PTPRD: variants seen among roughly 807,000 people sequenced by gnomAD.
PTPRD encodes the protein protein tyrosine phosphatase receptor type D.
Under a neutral mutation model 214.5 loss-of-function variants are expected in PTPRD, and 34 were observed. That is an observed-to-expected ratio of 0.16 (90% CI 0.12 to 0.21). The LOEUF is 0.21. Among genes scored for constraint, PTPRD ranks in the 10% least tolerant of loss-of-function variants. The pLI is 1.00. For missense variants in PTPRD, 2,545 were observed against 2,398.7 expected (o/e 1.06, Z -1.27); for synonymous variants, 1,128 against 845.7 (o/e 1.33, Z -5.79).
At chr9:9,172,514 C>T (rs965704102) in intron 10 of PTPRD, among the ~76,000 whole-genome samples, 26 of 152,224 alleles carry the variant, frequency 1.7e-4, no homozygotes, top group Admixed American at 1.2e-3. Context: ...AGCATTATCT[C>T]GGGCTCTGTG....
chr9:9,658,676 A>G (rs562243003), intron 7 of PTPRD, among the ~76,000 whole-genome samples: 1 of 152,138 alleles, frequency 6.6e-6, no homozygotes, highest in African/African-American at 2.4e-5. Context: ...AAATGCCACC[A>G]TTCAAGAGTC....
intron 11 of PTPRD, among the ~76,000 whole-genome samples, chr9:8,941,419 G>A (rs1019548132): frequency 1.3e-5 from 2 of 152,008 alleles, no homozygotes; most frequent in African/African-American, 4.8e-5. Flanking sequence ...ATGTGTGTGT[G>A]TATATATATA....
In PTPRD at chr9:9,716,122, C is replaced by T. The variant is rs921656854; in HGVS notation, c.-287+18411G>A. Reference sequence around the variant, plus strand: ...TGCGGTGTTTGGTTTTTTGTTCTTGCGATAGTTTACTGAGAATGATTATTT... The same window carrying T: ...TGCGGTGTTTGGTTTTTTGTTCTTGTGATAGTTTACTGAGAATGATTATTT... On this transcript the variant is annotated intron_variant, in intron 7 of 45. Coordinates refer to ENST00000381196, the MANE Select transcript of PTPRD (RefSeq NM_002839.4). Among the ~76,000 whole-genome samples the T allele has an allele frequency of 2.6e-4, 40 of 151,536 alleles. 1 individual carries two copies. The highest frequency in any genetic ancestry group is 6.6e-4 in the Admixed American group (10 of 15,162).
intron 2 of PTPRD, among the ~76,000 whole-genome samples, chr9:10,534,741 T>G (rs1194851869): frequency 6.6e-6 from 1 of 152,184 alleles, no homozygotes; most frequent in Non-Finnish European, 1.5e-5. Flanking sequence ...TTACTTTTAA[T>G]TTTCTATTAA....
At chr9:9,959,440 T>C (rs1290185070) in intron 4 of PTPRD, among the ~76,000 whole-genome samples, 7 of 152,162 alleles carry the variant, frequency 4.6e-5, no homozygotes, top group Non-Finnish European at 5.9e-5. Flanking sequence ...TGACAGTACA[T>C]ATTTGTCAAA....
intron 3 of PTPRD, among the ~76,000 whole-genome samples, chr9:10,271,235 A>G (rs1308622822): frequency 6.6e-6 from 1 of 152,164 alleles, no homozygotes; most frequent in East Asian, 1.9e-4. Flanking sequence ...ATTCCTTAAA[A>G]TGTTATTTTA....
chr9:9,818,481 T>G (rs2049519112), intron 5 of PTPRD, among the ~76,000 whole-genome samples: 1 of 152,102 alleles, frequency 6.6e-6, no homozygotes, highest in Non-Finnish European at 1.5e-5. Context: ...TGAGTAATGT[T>G]GATGTTACTA....
At chr9:10,127,589 T>C (rs1298435255) in intron 3 of PTPRD, among the ~76,000 whole-genome samples, 1 of 152,278 alleles carries the variant, frequency 6.6e-6, no homozygotes, top group African/African-American at 2.4e-5. Flanking sequence ...GGAAATTTAA[T>C]ATACTGTAAT....
chr9:10,126,482 A>T (rs917818240), intron 3 of PTPRD, among the ~76,000 whole-genome samples: 2 of 150,860 alleles, frequency 1.3e-5, no homozygotes, highest in African/African-American at 2.4e-5. Flanking sequence ...TATATATATA[A>T]AACTCTCCTG....
chr9:9,538,682 T>C (rs1037169225), intron 8 of PTPRD, among the ~76,000 whole-genome samples: 3 of 151,884 alleles, frequency 2.0e-5, no homozygotes, highest in East Asian at 1.9e-4. Flanking sequence ...AATAAAAATA[T>C]TGATGCATTT....
intron 7 of PTPRD, among the ~76,000 whole-genome samples, chr9:9,715,103 TA>T (rs767425550): frequency 4.3e-4 from 66 of 152,344 alleles, no homozygotes; most frequent in Non-Finnish European, 7.9e-4. Flanking sequence ...CTCGTCCAAA[TA>T]ACTTTGTGAC....
intron 2 of PTPRD, among the ~76,000 whole-genome samples, chr9:10,372,171 C>T (rs538902472): frequency 6.6e-6 from 1 of 152,172 alleles, no homozygotes; most frequent in East Asian, 1.9e-4. Context: ...GTTTTCTTTT[C>T]ATTTTGAAAT....
intron 9 of PTPRD, among the ~76,000 whole-genome samples, chr9:9,294,141 AG>A (rs1448842309): frequency 6.6e-6 from 1 of 151,634 alleles, no homozygotes; most frequent in Non-Finnish European, 1.5e-5. Context: ...ACATCCTGGG[AG>A]GGATGACATG....
intron 8 of PTPRD, among the ~76,000 whole-genome samples, chr9:9,556,151 A>G (rs1223958190): frequency 6.6e-6 from 1 of 152,180 alleles, no homozygotes; most frequent in African/African-American, 2.4e-5. Flanking sequence ...TATATGTATT[A>G]TATATTGTAT....
At chr9:8,532,123 T>A (rs1282640343) in intron 14 of PTPRD, among the ~76,000 whole-genome samples, 1 of 152,048 alleles carries the variant, frequency 6.6e-6, no homozygotes, top group African/African-American at 2.4e-5. Flanking sequence ...CAGAATCTCT[T>A]TGAATGCACT....
At chr9:10,015,128 C>A (rs993485037) in intron 4 of PTPRD, among the ~76,000 whole-genome samples, 1 of 152,054 alleles carries the variant, frequency 6.6e-6, no homozygotes, top group Non-Finnish European at 1.5e-5. Flanking sequence ...ACTTTTATGG[C>A]TTTCAGTTTC....
At chr9:10,246,836 G>A (rs1319103171) in intron 3 of PTPRD, among the ~76,000 whole-genome samples, 1 of 151,340 alleles carries the variant, frequency 6.6e-6, no homozygotes, top group Non-Finnish European at 1.5e-5. Context: ...TGAGGTTGCA[G>A]TGAGCCGAGA....
chr9:10,004,007 A>C (rs1588658563), intron 4 of PTPRD, among the ~76,000 whole-genome samples: 1 of 152,060 alleles, frequency 6.6e-6, no homozygotes, highest in East Asian at 1.9e-4. Flanking sequence ...GAAACTTCAA[A>C]GGTTATTTTA....
At chr9:8,861,939 T>C (rs1038285954) in intron 11 of PTPRD, 1 of 152,214 alleles carries the variant, frequency 6.6e-6, no homozygotes, top group Admixed American at 6.5e-5. Flanking sequence ...ATAGTTTCAG[T>C]CCTCAAATAA....
Sources: gnomAD v4.1 joint callset for allele counts (sites outside exome capture counted in the v4.1 genomes callset) on GRCh38, gnomAD v4.1.1 for gene constraint, MANE v1.5 for transcripts, NCBI Gene and HGNC (gene_info 2026-07-23, HGNC 2026-07-21) for gene names.